PCSK5: variants seen among roughly 807,000 people sequenced by gnomAD.
PCSK5 encodes prohormone convertase 5.
In PCSK5, 129 loss-of-function variants were observed where a neutral mutation model predicts 233.2. That is an observed-to-expected ratio of 0.55 (90% CI 0.48 to 0.64). The LOEUF is 0.64. Ranked by LOEUF, PCSK5 falls within the 30% of genes least tolerant of loss-of-function variation. The pLI, the probability that PCSK5 is intolerant of heterozygous loss-of-function variation, is 0.00. For missense variants in PCSK5, 2,076 were observed against 2,430.1 expected, an observed-to-expected ratio of 0.85 and a Z score of 3.06; for synonymous variants, 825 against 879.2, an observed-to-expected ratio of 0.94 and a Z score of 1.09.
chr9:76,144,473 C>G (rs569086917), intron 10 of PCSK5, among the ~76,000 whole-genome samples: 1 of 152,182 alleles, frequency 6.6e-6, no homozygotes, highest in African/African-American at 2.4e-5. Flanking sequence ...AGCTGCCACA[C>G]CTGGTTGCAT....
rs891792245 is a variant in PCSK5, at chr9:76,227,402, T to C, written c.2627-101T>C. Reference sequence around the variant, plus strand: ...GCCTCTCCTCTCTGTGTTGTCTGCATTGCTTTCAGGCAGCCACAGAGATCT... The same window carrying C: ...GCCTCTCCTCTCTGTGTTGTCTGCACTGCTTTCAGGCAGCCACAGAGATCT... On this transcript the variant is annotated intron_variant, in intron 20 of 37. Coordinates refer to ENST00000674117, the MANE Select transcript of PCSK5 (RefSeq NM_001372043.1). 5.9e-5 allele frequency: 46 copies of C among 778,318 alleles called. No individual in the cohort carries two copies. The Admixed American group carries it at 9.5e-4, about 16-fold the overall frequency. The allele number at this position is 778,318 out of a possible 1,614,324, so 48.2% of individuals were successfully genotyped here. A position where few individuals can be genotyped will look rare whatever the true frequency, so the allele number is the denominator to read the frequency against.
chr9:75,969,293 A>T (rs557663195), intron 2 of PCSK5, among the ~76,000 whole-genome samples: 13 of 152,254 alleles, frequency 8.5e-5, no homozygotes, highest in Admixed American at 1.3e-4. Flanking sequence ...ACTACACAGA[A>T]TCTCAGAACT....
intron 10 of PCSK5, among the ~76,000 whole-genome samples, chr9:76,143,167 T>C (rs993336177): frequency 6.6e-6 from 1 of 152,058 alleles, no homozygotes; most frequent in African/African-American, 2.4e-5. Flanking sequence ...TTTAAACAAA[T>C]GCCTTCTTTT....
intron 20 of PCSK5, among the ~76,000 whole-genome samples, chr9:76,210,611 A>G (rs1320644602): frequency 6.6e-6 from 1 of 152,170 alleles, no homozygotes; most frequent in Non-Finnish European, 1.5e-5. Context: ...CTTGTATGTC[A>G]TTCCTTCGAG....
intron 11 of PCSK5, among the ~76,000 whole-genome samples, chr9:76,158,423 T>A (rs1822700423): frequency 6.6e-6 from 1 of 152,172 alleles, no homozygotes; most frequent in Non-Finnish European, 1.5e-5. Context: ...GATGCCATTG[T>A]GGCTGCAGCC....
In PCSK5 at chr9:76,064,318, C is replaced by T. The variant is rs1408075787; in HGVS notation, c.633-3637C>T. Reference sequence around the variant, plus strand: ...CCCAGTAGGGGCGGCCGGGCAGAGGCGCCCCTCACCTCCCGGACGGGGCGG... The same window carrying T: ...CCCAGTAGGGGCGGCCGGGCAGAGGTGCCCCTCACCTCCCGGACGGGGCGG... On this transcript the variant is annotated intron_variant, in intron 5 of 37. Coordinates refer to ENST00000674117, the MANE Select transcript of PCSK5 (RefSeq NM_001372043.1). Among the ~76,000 whole-genome samples, 6 of 96,608 alleles carry T rather than the reference C, an allele frequency of 6.2e-5. 1 individual carries two copies. Among genetic ancestry groups the T allele is most frequent in the African/African-American group, 3.0e-4 (6 of 19,852 alleles). The allele number at this position is 96,608 out of a possible 152,430, so 63.4% of individuals were successfully genotyped here.
intron 3 of PCSK5, among the ~76,000 whole-genome samples, chr9:76,015,503 T>C (rs1359268926): frequency 5.3e-5 from 8 of 152,188 alleles, no homozygotes; most frequent in African/African-American, 1.9e-4. Flanking sequence ...TATAAAGATA[T>C]AATAATCATA....
intron 24 of PCSK5, among the ~76,000 whole-genome samples, chr9:76,246,297 G>A (rs1826589824): frequency 7.3e-6 from 1 of 136,228 alleles, no homozygotes; most frequent in African/African-American, 2.7e-5. Flanking sequence ...AGCTGAGATT[G>A]CGCCACTGCA....
At chr9:76,105,566 C>G (rs1831943750) in intron 8 of PCSK5, among the ~76,000 whole-genome samples, 1 of 152,190 alleles carries the variant, frequency 6.6e-6, no homozygotes, top group Admixed American at 6.5e-5. Context: ...TGTTTAAACT[C>G]AGCAATGAAA....
chr9:75,903,610 A>AC (rs1564071376), intron 1 of PCSK5, among the ~76,000 whole-genome samples: 11 of 139,718 alleles, frequency 7.9e-5, no homozygotes, highest in African/African-American at 2.9e-4. Context: ...ATATATATAT[A>AC]TTATATATAT....
intron 9 of PCSK5, among the ~76,000 whole-genome samples, chr9:76,109,029 C>T (rs1256397718): frequency 2.6e-5 from 4 of 152,090 alleles, no homozygotes; most frequent in South Asian, 2.1e-4. Context: ...TTCTTTTTGA[C>T]GAGGTTAAAT....
intron 3 of PCSK5, among the ~76,000 whole-genome samples, chr9:76,008,647 A>G (rs1311324025): frequency 6.6e-6 from 1 of 152,040 alleles, no homozygotes; most frequent in Non-Finnish European, 1.5e-5. Context: ...TTTTTAGTAG[A>G]GACAGGGTTT....
At position 76,331,559 on chromosome 9, in the gene PCSK5, C is replaced by T. The variant is rs372625861; in HGVS notation, c.4571-874C>T. Reference sequence around the variant, plus strand: ...GCAGGTGCCTGTAGTCCCAGCTACTCGGGAGGCTTAGGCAGGAGAATGGTG... The same window carrying T: ...GCAGGTGCCTGTAGTCCCAGCTACTTGGGAGGCTTAGGCAGGAGAATGGTG... On this transcript the variant is annotated intron_variant, in intron 33 of 37. Coordinates refer to ENST00000674117, the MANE Select transcript of PCSK5 (RefSeq NM_001372043.1). 2.3e-4 allele frequency among the ~76,000 whole-genome samples: 35 copies of T among 151,800 alleles called. No homozygotes were observed. The East Asian group carries it at 5.4e-3, about 24-fold the overall frequency.
At chr9:76,222,903 T>C (rs545141115) in intron 20 of PCSK5, among the ~76,000 whole-genome samples, 26 of 152,340 alleles carry the variant, frequency 1.7e-4, no homozygotes, top group African/African-American at 6.3e-4. Flanking sequence ...CAGAATGGTA[T>C]CTTAAGTTGG....
At chr9:76,219,575 C>T (rs987294956) in intron 20 of PCSK5, among the ~76,000 whole-genome samples, 8 of 152,252 alleles carry the variant, frequency 5.3e-5, no homozygotes, top group African/African-American at 1.9e-4. Flanking sequence ...CAGGAAGGCT[C>T]TGTGGGCCAC....
chr9:76,112,381 C>A (rs1253081627), intron 9 of PCSK5, among the ~76,000 whole-genome samples: 1 of 152,042 alleles, frequency 6.6e-6, no homozygotes, highest in Admixed American at 6.6e-5. Context: ...GTGAGAAAAC[C>A]CAATATATCT....
At chr9:76,096,715 T>C (rs1164486386) in intron 8 of PCSK5, among the ~76,000 whole-genome samples, 4 of 150,866 alleles carry the variant, frequency 2.7e-5, no homozygotes, top group South Asian at 2.1e-4. Flanking sequence ...TATTCTCCTG[T>C]CTCAGCCTCC....
upstream of PCSK5, among the ~76,000 whole-genome samples, chr9:75,890,158 C>A (rs1006119374): frequency 3.9e-5 from 6 of 152,168 alleles, no homozygotes; most frequent in African/African-American, 1.2e-4. Context: ...GGAGTCGATG[C>A]GACTTACTGT....
At chr9:75,983,089 T>G (rs1328974354) in intron 2 of PCSK5, among the ~76,000 whole-genome samples, 1 of 152,068 alleles carries the variant, frequency 6.6e-6, no homozygotes, top group East Asian at 1.9e-4. Flanking sequence ...ATGTTTTGGG[T>G]CAATTTCTTG....
Sources: allele counts gnomAD v4.1 joint callset (sites outside exome capture counted in the v4.1 genomes callset), GRCh38; gene constraint gnomAD v4.1.1; transcripts MANE v1.5; gene names NCBI Gene and HGNC (gene_info 2026-07-23, HGNC 2026-07-21).